The following PTPN14 variants were observed in gnomAD, a reference collection of about 807,000 sequenced individuals.
The protein encoded by PTPN14 is tyrosine-protein phosphatase non-receptor type 14.
In PTPN14, 53 loss-of-function variants were observed where a neutral mutation model predicts 126.8. The ratio of observed to expected loss-of-function variants is 0.42; its 90% CI spans 0.34 to 0.53. The LOEUF (loss-of-function observed/expected upper bound fraction) is 0.53, where lower values mean the gene tolerates loss of function less well. Among genes scored for constraint, PTPN14 ranks in the 20% least tolerant of loss-of-function variants. The pLI, the probability that PTPN14 is intolerant of heterozygous loss-of-function variation, is 0.08. For synonymous variants in PTPN14, 630 were observed against 599.3 expected, an observed-to-expected ratio of 1.05 and a Z score of -0.75; for missense variants, 1,257 against 1,552.9, an observed-to-expected ratio of 0.81 and a Z score of 3.20.
At position 214,355,372 on chromosome 1, in the gene PTPN14, G is replaced by A. The variant is rs866886695; in HGVS notation, c.*2550C>T. 2 of 152,082 alleles carry A rather than the reference G, an allele frequency of 1.3e-5. No individual in the cohort carries two copies. The highest frequency in any genetic ancestry group is 2.1e-4 in the South Asian group (1 of 4,822). 9.4% of individuals were successfully genotyped at this position (152,082 alleles called of 1,614,324 possible). ...GATAAATACTGATGTTGTTCATCACGCAATAAACCAGTAACTGAGACCACT... is the reference window on the plus strand; with the variant it reads ...GATAAATACTGATGTTGTTCATCACACAATAAACCAGTAACTGAGACCACT... On this transcript the variant is annotated 3_prime_UTR_variant, in exon 19 of 19. Transcript: ENST00000366956.
In PTPN14 at chr1:214,451,878, T is replaced by G. The variant is rs763887958; in HGVS notation, c.271A>C (p.Asn91His). The G allele has an allele frequency of 8.1e-6, 13 of 1,614,096 alleles. No individual in the cohort carries two copies. The highest frequency in any genetic ancestry group is 2.2e-5 in the East Asian group (1 of 44,902). ...PLKKHLDKFA[N>H]EPLLFFGVMF... ...ACTCCAAAGAAAAGCAAAGGCTCATTAGCGAATTTGTCCAGATGTTTCTTC... is the reference window on the plus strand; with the variant it reads ...ACTCCAAAGAAAAGCAAAGGCTCATGAGCGAATTTGTCCAGATGTTTCTTC... Residue 91 changes from asparagine (N) to histidine (H), a missense_variant, in exon 3 of 19, where the codon AAT becomes CAT. By Grantham distance (68) the Asn-to-His change is moderately conservative. Transcript: ENST00000366956.
chr1:214,372,831 A>G lies in PTPN14; in HGVS notation c.2916T>C (p.Val972=). 6.2e-7 allele frequency: 1 copy of G among 1,614,040 alleles called. No individual in the cohort carries two copies. The change falls in exon 16 of 19, where the codon GTT becomes GTC. Residue 972 remains valine, a synonymous_variant. Coordinates refer to ENST00000366956, the MANE Select transcript of PTPN14 (RefSeq NM_005401.5). ...CTATGTAGTGCCATTCTGCCCCGCC[A>G]ACCACCACCTAAAAACCAAGAAAAG... The part of the protein sequence containing the change: ...YINASHIKVV[V]GGAEWHYIAT...
chr1:214,446,209 G>T (rs562754147), intron 3 of PTPN14, among the ~76,000 whole-genome samples: 66 of 152,290 alleles, frequency 4.3e-4, no homozygotes, highest in Non-Finnish European at 2.6e-4. Context: ...CTACCAGAGT[G>T]TGTCCTTCTT....
chr1:214,530,678 C>CA (rs1373449467), intron 1 of PTPN14: 1 of 152,104 alleles, frequency 6.6e-6, no homozygotes, highest in Non-Finnish European at 1.5e-5. Context: ...TCAACTCTTC[C>CA]AAAATAAATA....
At chr1:214,463,106 T>C (rs1044371362) in intron 2 of PTPN14, among the ~76,000 whole-genome samples, 2 of 152,186 alleles carry the variant, frequency 1.3e-5, no homozygotes, top group African/African-American at 4.8e-5. Flanking sequence ...CCAGTGCCTA[T>C]ACTTGTAACC....
intron 2 of PTPN14, among the ~76,000 whole-genome samples, chr1:214,463,021 A>AGGG (rs1193323290): frequency 6.6e-6 from 1 of 152,208 alleles, no homozygotes; most frequent in Non-Finnish European, 1.5e-5. Flanking sequence ...TTACGCCTCA[A>AGGG]AAGACTCAGT....
intron 1 of PTPN14, among the ~76,000 whole-genome samples, chr1:214,467,181 C>A (rs991990491): frequency 1.2e-4 from 18 of 152,114 alleles, no homozygotes; most frequent in Admixed American, 3.9e-4. Flanking sequence ...CACCCACCCC[C>A]AACCCAAAGA....
At chr1:214,490,615 T>A (rs925195960) in intron 1 of PTPN14, among the ~76,000 whole-genome samples, 7 of 151,616 alleles carry the variant, frequency 4.6e-5, no homozygotes, top group African/African-American at 1.7e-4. Flanking sequence ...GGCTGGCAGA[T>A]CATTTGAGGG....
intron 3 of PTPN14, among the ~76,000 whole-genome samples, chr1:214,435,575 T>C (rs983911379): frequency 2.0e-5 from 3 of 151,862 alleles, no homozygotes; most frequent in Admixed American, 6.6e-5. Context: ...AACAATCCCA[T>C]TAAAAAGTGG....
At chr1:214,380,492 G>T (rs868569000) in intron 13 of PTPN14, among the ~76,000 whole-genome samples, 3 of 152,114 alleles carry the variant, frequency 2.0e-5, no homozygotes, top group Non-Finnish European at 2.9e-5. Flanking sequence ...TTCTGGCTAG[G>T]GGACTACAAG....
chr1:214,463,179 G>C (rs1660551188), intron 2 of PTPN14, among the ~76,000 whole-genome samples: 1 of 152,178 alleles, frequency 6.6e-6, no homozygotes, highest in African/African-American at 2.4e-5. Flanking sequence ...TGAGTGACTG[G>C]AAGTACTTAA....
chr1:214,357,751 C>A lies in PTPN14; in HGVS notation c.*171G>T, dbSNP rs1657857213. The A allele has an allele frequency of 3.9e-6, 2 of 513,894 alleles. No homozygotes were observed. The highest frequency in any genetic ancestry group is 7.0e-6 in the Non-Finnish European group (2 of 284,906). 31.8% of individuals were successfully genotyped at this position (513,894 alleles called of 1,614,324 possible). Reference sequence around the variant, plus strand: ...TCCAAAGGGGAAAAAAATAAATTATCTCATATAAAATAATACATGGTATGT... The same window carrying A: ...TCCAAAGGGGAAAAAAATAAATTATATCATATAAAATAATACATGGTATGT... On this transcript the variant is annotated 3_prime_UTR_variant, in exon 19 of 19. Transcript: ENST00000366956.
chr1:214,411,607 C>A, intron 5 of PTPN14, 77 bp downstream of exon 5: 1 of 1,155,854 alleles, frequency 8.7e-7, no homozygotes, highest in Non-Finnish European at 1.2e-6. Flanking sequence ...TATGTAAAAT[C>A]CTGAAATTTT....
intron 10 of PTPN14, among the ~76,000 whole-genome samples, 198 bp from the exon 11 acceptor site, chr1:214,391,243 T>C (rs1658744941): frequency 6.6e-6 from 1 of 152,114 alleles, no homozygotes; most frequent in African/African-American, 2.4e-5. Flanking sequence ...AATGTTCGGA[T>C]AAGGATACTT....
chr1:214,413,222 G>A (rs1305606395), intron 4 of PTPN14, among the ~76,000 whole-genome samples: 1 of 151,986 alleles, frequency 6.6e-6, no homozygotes, highest in African/African-American at 2.4e-5. Flanking sequence ...TGACAATGAG[G>A]GACATATTGA....
At chr1:214,471,006 C>T (rs1338120640) in intron 1 of PTPN14, among the ~76,000 whole-genome samples, 1 of 116,184 alleles carries the variant, frequency 8.6e-6, no homozygotes, top group East Asian at 2.7e-4. Flanking sequence ...GCCTGGGTGA[C>T]AAGAGCAAAA....
chr1:214,473,695 A>AT (rs1660809329), intron 1 of PTPN14, among the ~76,000 whole-genome samples: 1 of 152,182 alleles, frequency 6.6e-6, no homozygotes, highest in Non-Finnish European at 1.5e-5. Flanking sequence ...GTACTAGGTC[A>AT]TTTTCCTAAG....
rs970058854 is a variant in PTPN14, at chr1:214,364,740, G to C, written c.3272-65C>G. On this transcript the variant is annotated intron_variant, in intron 17 of 18. Transcript: ENST00000366956. This position sits in a 1 kb window ranked among gnomAD's most constrained non-coding sequence, Gnocchi z 4.1. Reference sequence around the variant, plus strand: ...ATGGCTTCGCATGTAAGTTGGGGAGGGGGGAGCGGAAGAGAACTGATGGTG... The same window carrying C: ...ATGGCTTCGCATGTAAGTTGGGGAGCGGGGAGCGGAAGAGAACTGATGGTG... 7 of 1,546,334 alleles carry C rather than the reference G, an allele frequency of 4.5e-6. No homozygotes were observed. The highest frequency in any genetic ancestry group is 1.2e-5 in the South Asian group (1 of 82,112).
At chr1:214,527,101 A>G (rs958173564) in intron 1 of PTPN14, among the ~76,000 whole-genome samples, 1 of 150,332 alleles carries the variant, frequency 6.7e-6, no homozygotes, top group African/African-American at 2.4e-5. Flanking sequence ...CCAAAAAAGA[A>G]AAAAAAAAAA....
Sources: allele counts gnomAD v4.1 joint callset (sites outside exome capture counted in the v4.1 genomes callset), GRCh38; gene constraint gnomAD v4.1.1; non-coding constraint Gnocchi (gnomAD v3.1); transcripts MANE v1.5; gene names NCBI Gene and HGNC (gene_info 2026-07-23, HGNC 2026-07-21).